The following WAS variants were observed in gnomAD, a reference collection of about 807,000 sequenced individuals.
WAS encodes the protein WASP actin nucleation promoting factor.
WAS carries 1 observed loss-of-function variant against 38.9 expected under a neutral mutation model. The observed-to-expected ratio is 0.03, with a 90% CI of 0.01 to 0.12. The LOEUF (loss-of-function observed/expected upper bound fraction) is 0.12. Among genes scored for constraint, WAS ranks in the 10% least tolerant of loss-of-function variants. The pLI, the probability that WAS is intolerant of heterozygous loss-of-function variation, is 1.00. For synonymous variants in WAS, 182 were observed against 173.6 expected (o/e 1.05, Z -0.38); for missense variants, 311 against 431.2 (o/e 0.72, Z 2.47).
chrX:48,680,837 C>T (rs2062399188), upstream of WAS, among the ~76,000 whole-genome samples: 1 of 112,033 alleles, frequency 8.9e-6, no homozygotes, highest in Admixed American at 9.5e-5. Context: ...ATTCTTTATT[C>T]CTTTACTTTC....
At chrX:48,677,375 TAGTTCATTGATCCAAGTTACTC>T (rs2062393251) in intron 1 of WAS, among the ~76,000 whole-genome samples, 1 of 111,593 alleles carries the variant, frequency 9.0e-6, no homozygotes, top group African/African-American at 3.3e-5. Flanking sequence ...TCAGGGATGA[TAGTTCATTGATCCAAGTTACTC>T]AGCTATTTCA....
rs782233413 is a variant in WAS, at chrX:48,685,612, C to T, written c.339C>T (p.Phe113=). ...TTGTCTACTCCACCCCCACCCCCTT[C>T]TTCCACACCTTCGCTGGAGATGTAA... ...SQLVYSTPTP[F]FHTFAGDDCQ... is the part of the protein sequence containing the mutation. Residue 113 remains phenylalanine, a synonymous_variant, in exon 3 of 12, where the codon TTC becomes TTT. Transcript: ENST00000376701. 9.2e-6 allele frequency: 11 copies of T among 1,198,751 alleles called. No individual in the cohort carries two copies. The Admixed American group carries it at 1.6e-4, about 17-fold the overall frequency.
chrX:48,691,135 A>G lies in WAS; in HGVS notation c.1482A>G (p.Glu494=), dbSNP rs2062438584. 1.7e-6 allele frequency: 2 copies of G among 1,210,768 alleles called. No individual in the cohort carries two copies. The highest frequency in any genetic ancestry group is 2.2e-6 in the Non-Finnish European group (2 of 895,183). The change falls in exon 12 of 12, where the codon GAA becomes GAG. Residue 494 remains glutamate (E), a synonymous_variant. Transcript: ENST00000376701. ...AAGGGGAGGACCAGGCTGGCGATGA[A>G]GATGAAGATGATGAATGGGATGACT... is the stretch of plus-strand genomic sequence containing the variant. ...SDEGEDQAGD[E]DEDDEWDD
chrX:48,686,947 T>G lies in WAS; in HGVS notation c.726T>G (p.Ser242Arg), dbSNP rs947162120. 1.7e-6 allele frequency: 2 copies of G among 1,201,784 alleles called. No homozygotes were observed. The highest frequency in any genetic ancestry group is 3.5e-5 in the African/African-American group (2 of 56,893). The part of the protein sequence containing the change: ...KISKADIGAP[S>R]GFKHVSHVGW... ...GCAAAGCTGATATTGGTGCACCCAG[T>G]GGATTCAAGTGAGAGCCACTCCCCA... Residue 242 changes from serine to arginine, a missense_variant, in exon 7 of 12, where the codon AGT (serine) becomes AGG (arginine). Around this residue, in one of 4 missense-constraint regions of WAS, gnomAD observed 74 missense variants for 131.2 expected, o/e 0.56. Coordinates refer to ENST00000376701, the MANE Select transcript of WAS (RefSeq NM_000377.3).
intron 1 of WAS, among the ~76,000 whole-genome samples, chrX:48,676,993 C>T (rs1391949856): frequency 8.9e-6 from 1 of 112,503 alleles, no homozygotes; most frequent in Non-Finnish European, 1.9e-5. Flanking sequence ...GACTGAGGCG[C>T]AGGAAGGTAG....
chrX:48,688,350 C>A lies in WAS; in HGVS notation c.828C>A (p.Ile276=). ...DLRSLFSRAG[I]SEAQLTDAET... is the part of the protein sequence containing the mutation. The stretch of plus-strand genomic sequence containing the variant: ...GGAGTCTGTTCTCCAGGGCAGGAAT[C>A]AGCGAGGCCCAGCTCACCGACGCCG... Residue 276 remains isoleucine (I), a synonymous_variant, in exon 9 of 12, where the codon ATC becomes ATA. Coordinates refer to ENST00000376701, the MANE Select transcript of WAS (RefSeq NM_000377.3). The A allele has an allele frequency of 8.3e-7, 1 of 1,208,645 alleles. No homozygotes were observed. The highest frequency in any genetic ancestry group is 1.1e-6 in the Non-Finnish European group (1 of 893,923).
chrX:48,686,017 A>G (rs376723243), intron 5 of WAS, 30 bp downstream of exon 5: 5 of 1,211,149 alleles, frequency 4.1e-6, no homozygotes, highest in Non-Finnish European at 5.6e-6. Context: ...TAGGGGTAAT[A>G]AGGGGCTAGC....
In WAS at chrX:48,683,946, G is replaced by A; in HGVS notation, c.93G>A (p.Glu31=). Residue 31 remains glutamate, a synonymous_variant, in exon 1 of 12, where the codon GAG becomes GAA. Coordinates refer to ENST00000376701, the MANE Select transcript of WAS (RefSeq NM_000377.3). ...CCTCCACCCTCCTCCAGGACCACGAGAACCAGCGACTCTTTGAGATGCTTG... is the reference window on the plus strand; with the variant it reads ...CCTCCACCCTCCTCCAGGACCACGAAAACCAGCGACTCTTTGAGATGCTTG... ...NIPSTLLQDH[E]NQRLFEMLGR... 8.3e-7 allele frequency: 1 copy of A among 1,211,424 alleles called. No homozygotes were observed. The highest frequency in any genetic ancestry group is 1.1e-6 in the Non-Finnish European group (1 of 895,437).
chrX:48,678,634 G>A (rs1481916649), intron 1 of WAS, among the ~76,000 whole-genome samples: 4 of 111,237 alleles, frequency 3.6e-5, no homozygotes, highest in African/African-American at 1.3e-4. Flanking sequence ...GAACTGGCTT[G>A]CATTAGACCA....
At chrX:48,689,170 C>A in intron 10 of WAS, 104 bp downstream of exon 10, 1 of 991,783 alleles carries the variant, frequency 1.0e-6, no homozygotes, top group Non-Finnish European at 1.4e-6. Flanking sequence ...GAGTGCCAGG[C>A]CTTAGGGATT....
At chrX:48,689,260 G>A (rs782106604) in intron 10 of WAS, 60 bp from the exon 11 acceptor site, 31 of 1,032,929 alleles carry the variant, frequency 3.0e-5, no homozygotes, top group Middle Eastern at 3.1e-4. Context: ...ATGGAGGGGC[G>A]GGGAGAAATG....
chrX:48,686,849 T>C lies in WAS; in HGVS notation c.628T>C (p.Ser210Pro). 8.3e-7 allele frequency: 1 copy of C among 1,211,846 alleles called. No homozygotes were observed. The highest frequency in any genetic ancestry group is 3.0e-5 in the East Asian group (1 of 33,835). Residue 210 changes from serine to proline, a missense_variant, in exon 7 of 12, where the codon TCA becomes CCA. Physicochemically the swap from Ser to Pro is moderately conservative, Grantham distance 74. This residue lies in a region of WAS where 74 missense variants were observed against 131.2 expected (regional missense o/e 0.56). Coordinates refer to ENST00000376701, the MANE Select transcript of WAS (RefSeq NM_000377.3). ...VDIQNPDITS[S>P]RYRGLPAPGP... ...CATCCAGAACCCTGACATCACGAGTTCACGATACCGTGGGCTCCCAGCACC... is the reference window on the plus strand; with the variant it reads ...CATCCAGAACCCTGACATCACGAGTCCACGATACCGTGGGCTCCCAGCACC...
intron 7 of WAS, 86 bp downstream of exon 7, chrX:48,687,041 G>A: frequency 9.5e-7 from 1 of 1,053,675 alleles, no homozygotes; most frequent in South Asian, 2.0e-5. Flanking sequence ...ATGGAAGGAT[G>A]GGCAGATGGG....
intron 11 of WAS, among the ~76,000 whole-genome samples, chrX:48,690,049 A>G (rs1004915324): frequency 9.0e-6 from 1 of 111,492 alleles, no homozygotes; most frequent in Admixed American, 9.5e-5. Flanking sequence ...GAAGAACACT[A>G]TTGTTGACAA....
Position 48,686,001 on chromosome X carries a change from T to C in WAS, c.505+14T>C, listed in dbSNP as rs2062418486. On this transcript the variant is annotated intron_variant, in intron 5 of 11. Transcript: ENST00000376701. ...CAGCCAATGAAGGTGAGTCCTCTAG[T>C]GCAAGTAGGGGTAATAAGGGGCTAG... 1 of 1,211,201 alleles carries C rather than the reference T, an allele frequency of 8.3e-7. No individual in the cohort carries two copies. The highest frequency in any genetic ancestry group is 1.1e-6 in the Non-Finnish European group (1 of 895,223).
At chrX:48,684,008 C>T in intron 1 of WAS, 23 bp downstream of exon 1, 1 of 1,209,768 alleles carries the variant, frequency 8.3e-7, no homozygotes, top group Non-Finnish European at 1.1e-6. Flanking sequence ...TCTCCTGCCC[C>T]CGCCCCGTCC....
At chrX:48,686,249 G>T in intron 6 of WAS, 115 bp downstream of exon 6, 1 of 914,214 alleles carries the variant, frequency 1.1e-6, no homozygotes. Flanking sequence ...ATAGGTATGT[G>T]GATGGACGAG....
intron 1 of WAS, among the ~76,000 whole-genome samples, chrX:48,677,787 C>T (rs2864979): frequency 2.7e-5 from 3 of 112,377 alleles, no homozygotes; most frequent in East Asian, 2.8e-4. Context: ...CTGGCCCCTG[C>T]GCACCCTGAG....
At chrX:48,689,531 C>A (rs1184700336) in intron 11 of WAS, 97 bp downstream of exon 11, 1 of 728,078 alleles carries the variant, frequency 1.4e-6, no homozygotes, top group African/African-American at 2.1e-5. Flanking sequence ...ACATCAGCCC[C>A]ATCTGTTTGA....
Sources: gnomAD v4.1 joint callset for allele counts (sites outside exome capture counted in the v4.1 genomes callset) on GRCh38, gnomAD v4.1.1 for gene constraint, gnomAD v4.1.1 regional missense constraint, MANE v1.5 for transcripts, NCBI Gene and HGNC (gene_info 2026-07-23, HGNC 2026-07-21) for gene names.